Variants in TTLL6 observed in about 807,000 individuals in gnomAD.
TTLL6 encodes tubulin polyglutamylase TTLL6.
A neutral mutation model predicts 96.4 loss-of-function variants in TTLL6; 75 were observed. That is an observed-to-expected ratio of 0.78 (90% CI 0.65 to 0.94). TTLL6 has a LOEUF of 0.94. Ranked by LOEUF, TTLL6 falls within the 40% of genes least tolerant of loss-of-function variation. The pLI is 0.00. For synonymous variants in TTLL6, 411 were observed against 419.4 expected (o/e 0.98, Z 0.24); for missense variants, 1,030 against 1,093.0 (o/e 0.94, Z 0.81).
At chr17:48,796,318 C>G (rs1174401588) in intron 7 of TTLL6, among the ~76,000 whole-genome samples, 172 bp from the exon 8 acceptor site, 1 of 152,096 alleles carries the variant, frequency 6.6e-6, no homozygotes, top group South Asian at 2.1e-4. Flanking sequence ...CCTGCAGCCT[C>G]GAGCCTAAGA....
In TTLL6 at chr17:48,784,908, C is replaced by T. The variant is rs748472779; in HGVS notation, c.2040+15G>A. ...ACTCCCACCACTCCCTCCCAGAGCT[C>T]GGCTCACTACTTACCACAGTGCCAG... is the stretch of plus-strand genomic sequence containing the variant. On this transcript the variant is annotated intron_variant, in intron 13 of 15. Transcript: ENST00000393382. 1.3e-5 allele frequency: 21 copies of T among 1,607,838 alleles called. No individual in the cohort carries two copies. Among genetic ancestry groups the T allele is most frequent in the Admixed American group, 1.7e-5 (1 of 59,878 alleles).
chr17:48,787,779 C>G, intron 11 of TTLL6, 32 bp downstream of exon 11: 1 of 1,597,338 alleles, frequency 6.3e-7, no homozygotes, highest in South Asian at 1.1e-5. Flanking sequence ...CCCAGAACCC[C>G]TCCACCGACC....
chr17:48,766,830 A>G (rs1293441907), intron 15 of TTLL6, among the ~76,000 whole-genome samples: 2 of 152,210 alleles, frequency 1.3e-5, no homozygotes, highest in Non-Finnish European at 2.9e-5. Flanking sequence ...TTTTGCTCCA[A>G]TAACAGGCCC....
chr17:48,795,487 T>C (rs2039300374), intron 8 of TTLL6, among the ~76,000 whole-genome samples: 2 of 152,280 alleles, frequency 1.3e-5, no homozygotes, highest in Admixed American at 6.5e-5. Flanking sequence ...GTCCCCCGTT[T>C]TCTTAAAACT....
At chr17:48,785,675 T>C (rs941603290) in intron 12 of TTLL6, among the ~76,000 whole-genome samples, 1 of 152,018 alleles carries the variant, frequency 6.6e-6, no homozygotes, top group Non-Finnish European at 1.5e-5. Context: ...CCAGGACTGG[T>C]CCACGCTTTG....
chr17:48,795,791 T>C (rs1231757660), intron 8 of TTLL6, among the ~76,000 whole-genome samples: 1 of 152,194 alleles, frequency 6.6e-6, no homozygotes, highest in East Asian at 1.9e-4. Flanking sequence ...TTTTGGTGTG[T>C]GTATATATTC....
chr17:48,770,090 G>A lies in TTLL6; in HGVS notation c.2048C>T (p.Thr683Ile). ...VNVFTGTVHLTSVETTPESTT... is the reference protein window; with the variant it reads ...VNVFTGTVHLISVETTPESTT... ...GGATTCTGGGGTGGTTTCTACGGAG[G>A]TTAAGTGCTGGAAGAAAAGACAGTT... Residue 683 changes from threonine to isoleucine, a missense_variant, in exon 14 of 16, where the codon ACC (threonine) becomes ATC (isoleucine). Thr to Ile is a moderately conservative substitution (Grantham distance 89). Coordinates refer to ENST00000393382, the MANE Select transcript of TTLL6 (RefSeq NM_001130918.3). 2 of 1,598,302 alleles carry A rather than the reference G, an allele frequency of 1.3e-6. No homozygotes were observed. The highest frequency in any genetic ancestry group is 1.1e-5 in the South Asian group (1 of 90,350).
chr17:48,776,252 G>C (rs2038867835), intron 13 of TTLL6, among the ~76,000 whole-genome samples: 1 of 152,112 alleles, frequency 6.6e-6, no homozygotes, highest in East Asian at 1.9e-4. Context: ...GGATCACGAG[G>C]TCAGGAGATC....
intron 1 of TTLL6, among the ~76,000 whole-genome samples, chr17:48,813,391 C>T (rs2039621616): frequency 2.0e-5 from 3 of 151,904 alleles, no homozygotes; most frequent in Admixed American, 6.6e-5. Flanking sequence ...CCCACTCTAC[C>T]AATAAATAAA....
intron 8 of TTLL6, among the ~76,000 whole-genome samples, chr17:48,793,520 G>A (rs557551228): frequency 8.6e-5 from 13 of 151,880 alleles, no homozygotes; most frequent in African/African-American, 3.1e-4. Flanking sequence ...TTGAATCCGG[G>A]AGTCGAAACT....
chr17:48,782,735 A>T, intron 13 of TTLL6, among the ~76,000 whole-genome samples: 1 of 150,946 alleles, frequency 6.6e-6, no homozygotes, highest in South Asian at 2.1e-4. Flanking sequence ...TTTTTTTGAG[A>T]CAGAGTCTCG....
At chr17:48,813,328 G>A (rs1296811968) in intron 1 of TTLL6, among the ~76,000 whole-genome samples, 1 of 115,668 alleles carries the variant, frequency 8.6e-6, no homozygotes, top group African/African-American at 3.3e-5. Flanking sequence ...GGCCAAGGTG[G>A]GCAGAGCACT....
chr17:48,801,127 C>T (rs1274846173), intron 5 of TTLL6, 128 bp downstream of exon 5: 1 of 823,240 alleles, frequency 1.2e-6, no homozygotes, highest in Non-Finnish European at 1.9e-6. Context: ...CCCTTCTCTT[C>T]CTGAAAAGTA....
chr17:48,786,458 CA>C, intron 11 of TTLL6, 123 bp from the exon 12 acceptor site: 1 of 1,095,416 alleles, frequency 9.1e-7, no homozygotes, highest in Non-Finnish European at 1.4e-6. Flanking sequence ...CCTCCTCCAA[CA>C]TATCCAGTCT....
intron 9 of TTLL6, among the ~76,000 whole-genome samples, chr17:48,790,967 GCT>G (rs2039207717): frequency 6.6e-6 from 1 of 152,072 alleles, no homozygotes; most frequent in Non-Finnish European, 1.5e-5. Context: ...GCCCCAGGAC[GCT>G]CTCTGCTGGT....
At chr17:48,793,746 C>A (rs1456085970) in intron 8 of TTLL6, among the ~76,000 whole-genome samples, 1 of 152,134 alleles carries the variant, frequency 6.6e-6, no homozygotes, top group Non-Finnish European at 1.5e-5. Flanking sequence ...AGTTACTTAA[C>A]TTTTTCACAC....
At chr17:48,794,067 C>T (rs1199091185) in intron 8 of TTLL6, 9 of 1,355,716 alleles carry the variant, frequency 6.6e-6, no homozygotes, top group Admixed American at 4.2e-5. Context: ...CAAGGGCAGG[C>T]GGAGGCCACG....
intron 13 of TTLL6, among the ~76,000 whole-genome samples, chr17:48,783,498 C>A (rs559700149): frequency 6.6e-6 from 1 of 151,006 alleles, no homozygotes; most frequent in African/African-American, 2.4e-5. Context: ...GTGGCATGAT[C>A]TGGGCTCACT....
intron 6 of TTLL6, among the ~76,000 whole-genome samples, chr17:48,797,963 C>T (rs1000473492): frequency 6.6e-6 from 1 of 151,840 alleles, no homozygotes; most frequent in African/African-American, 2.4e-5. Context: ...AAAGAATTAG[C>T]CAAGTGTGGT....
Sources: gnomAD v4.1 joint callset for allele counts (sites outside exome capture counted in the v4.1 genomes callset) on GRCh38, gnomAD v4.1.1 for gene constraint, MANE v1.5 for transcripts, NCBI Gene and HGNC (gene_info 2026-07-23, HGNC 2026-07-21) for gene names.